HPD: variants seen among roughly 807,000 people sequenced by gnomAD.
HPD encodes 4-hydroxyphenylpyruvate dioxygenase, also known as 4-hydroxyphenylpyruvic acid oxidase.
Under a neutral mutation model 56.9 loss-of-function variants are expected in HPD, and 35 were observed. The ratio of observed to expected loss-of-function variants is 0.62; its 90% CI spans 0.47 to 0.82. The LOEUF (loss-of-function observed/expected upper bound fraction) is 0.82, where lower values mean the gene tolerates loss of function less well. Ranked by LOEUF, HPD falls within the 40% of genes least tolerant of loss-of-function variation. The pLI is 0.00. For synonymous variants in HPD, 186 were observed against 200.2 expected (o/e 0.93, Z 0.60); for missense variants, 442 against 506.8 (o/e 0.87, Z 1.23).
At chr12:121,883,221 T>C in the HPD span, among the ~76,000 whole-genome samples, 1 of 142,654 alleles carries the variant, frequency 7.0e-6, no homozygotes, top group Non-Finnish European at 1.5e-5. Context: ...TGTGTGTGTG[T>C]GTGTGTGTGT....
intron 11 of HPD, among the ~76,000 whole-genome samples, chr12:121,844,353 T>C (rs1392339018): frequency 6.6e-6 from 1 of 151,828 alleles, no homozygotes; most frequent in African/African-American, 2.4e-5. Flanking sequence ...CCTGAGCACT[T>C]TCTACGTATT....
chr12:121,852,585 T>G (rs2137624149), intron 7 of HPD, among the ~76,000 whole-genome samples: 1 of 150,800 alleles, frequency 6.6e-6, no homozygotes, highest in East Asian at 2.0e-4. Flanking sequence ...TGCCAGGCAC[T>G]GTTCTAAGTG....
At chr12:121,865,005 C>T (rs531625592), upstream of HPD, among the ~76,000 whole-genome samples, 11 of 152,014 alleles carry the variant, frequency 7.2e-5, no homozygotes, top group South Asian at 1.7e-3. Context: ...TATTGGCTCA[C>T]GCCTGTAATC....
rs1877541586 is a variant in HPD, at chr12:121,845,300, A to T, written c.832-1468T>A. Reference sequence around the variant, plus strand: ...TGGCTAATTTTTTGATTTTTTTGTAAAGATGAGGTCTTATGGCCGGGCGCA... The same window carrying T: ...TGGCTAATTTTTTGATTTTTTTGTATAGATGAGGTCTTATGGCCGGGCGCA... On this transcript the variant is annotated intron_variant, in intron 11 of 13. Coordinates refer to ENST00000289004, the MANE Select transcript of HPD (RefSeq NM_002150.3). Among the ~76,000 whole-genome samples, 7 of 149,018 alleles carry T rather than the reference A, an allele frequency of 4.7e-5. No homozygotes were observed. The South Asian group carries it at 1.5e-3, about 31-fold the overall frequency.
chr12:121,845,726 A>G (rs1364667147), intron 11 of HPD, among the ~76,000 whole-genome samples: 1 of 151,868 alleles, frequency 6.6e-6, no homozygotes, highest in Non-Finnish European at 1.5e-5. Context: ...TTAAATGTGC[A>G]ATGCCATTCA....
upstream of HPD, among the ~76,000 whole-genome samples, chr12:121,866,628 T>G (rs951820246): frequency 2.0e-5 from 3 of 152,132 alleles, no homozygotes; most frequent in South Asian, 2.1e-4. Flanking sequence ...TATTTCATAC[T>G]TCTCTGCACA....
chr12:121,868,564 A>C (rs1382018346), upstream of HPD, among the ~76,000 whole-genome samples: 1 of 145,930 alleles, frequency 6.9e-6, no homozygotes, highest in East Asian at 2.0e-4. Context: ...CTGTCCCCCA[A>C]GCTGGAGTGC....
chr12:121,860,842 G>T (rs1290160965), upstream of HPD, among the ~76,000 whole-genome samples: 1 of 151,974 alleles, frequency 6.6e-6, no homozygotes, highest in Admixed American at 6.6e-5. Context: ...GGAGTTAAAG[G>T]TTGCAGTGAG....
the HPD span, among the ~76,000 whole-genome samples, chr12:121,880,074 G>A: frequency 0.042 from 6,415 of 151,368 alleles, 443 homozygotes; most frequent in African/African-American, 0.15. Flanking sequence ...TTGAGCCTGG[G>A]AGGTTGAGGC....
chr12:121,854,924 C>A lies in HPD; in HGVS notation c.325-132G>T. The A allele has an allele frequency of 6.8e-6, 5 of 732,876 alleles. No homozygotes were observed. In the South Asian group the frequency reaches 7.2e-5, roughly 11 times the overall value. The allele number at this position is 732,876 out of a possible 1,614,324, so 45.4% of individuals were successfully genotyped here. On this transcript the variant is annotated intron_variant, in intron 6 of 13. Transcript: ENST00000289004. ...GTTTCTCCAGCCCCAGGTAGGAACC[C>A]CAGCCAGCTTCAGCCATTACCCCCA...
upstream of HPD, among the ~76,000 whole-genome samples, chr12:121,864,422 G>T (rs1391270463): frequency 6.6e-6 from 1 of 151,204 alleles, no homozygotes; most frequent in Admixed American, 6.6e-5. Flanking sequence ...CTATAGTGGT[G>T]CATGCCCGTA....
At chr12:121,857,230 C>T (rs1230587792) in intron 4 of HPD, 98 bp downstream of exon 4, 1 of 819,512 alleles carries the variant, frequency 1.2e-6, no homozygotes, top group East Asian at 2.5e-5. Flanking sequence ...CAGGTGCCCA[C>T]CATCATGCCC....
chr12:121,850,176 C>T (rs951406831), intron 7 of HPD, among the ~76,000 whole-genome samples: 1 of 152,082 alleles, frequency 6.6e-6, no homozygotes, highest in Non-Finnish European at 1.5e-5. Flanking sequence ...AATCCCAGCA[C>T]TTTGGGAGGC....
chr12:121,871,743 C>G, the HPD span, among the ~76,000 whole-genome samples: 3 of 152,026 alleles, frequency 2.0e-5, no homozygotes, highest in African/African-American at 7.2e-5. Flanking sequence ...GTTGGTGGCA[C>G]GGGACATAGG....
Position 121,839,579 on chromosome 12 carries a change from C to A in HPD, c.*149G>T. 1 of 670,498 alleles carries A rather than the reference C, an allele frequency of 1.5e-6. No individual in the cohort carries two copies. Among genetic ancestry groups the A allele is most frequent in the Non-Finnish European group, 2.7e-6 (1 of 373,460 alleles). 41.5% of individuals were successfully genotyped at this position (670,498 alleles called of 1,614,324 possible). A position where few individuals can be genotyped will look rare whatever the true frequency, so the allele number is the denominator to read the frequency against. On this transcript the variant is annotated 3_prime_UTR_variant, in exon 14 of 14. Transcript: ENST00000289004. The stretch of plus-strand genomic sequence containing the variant: ...GGGCTGGAGCAGAGGGCGGCCCCGC[C>A]GAGGGGCGTGGTCAGTGTGGGCGGA...
intron 11 of HPD, among the ~76,000 whole-genome samples, chr12:121,845,289 A>AT (rs1245181636): frequency 6.7e-6 from 1 of 148,614 alleles, no homozygotes; most frequent in Non-Finnish European, 1.5e-5. Flanking sequence ...TAATTTTTTG[A>AT]TTTTTTTGTA....
At chr12:121,848,938 TG>T in intron 9 of HPD, 60 bp downstream of exon 9, 1 of 1,198,834 alleles carries the variant, frequency 8.3e-7, no homozygotes, top group Non-Finnish European at 1.2e-6. Context: ...GACCAGGGAG[TG>T]GGCCAGTCCA....
At chr12:121,845,014 G>A (rs1592916593) in intron 11 of HPD, among the ~76,000 whole-genome samples, 1 of 150,764 alleles carries the variant, frequency 6.6e-6, no homozygotes. Context: ...AACCCAGGAG[G>A]TGGAGGTTGC....
At chr12:121,857,913 C>T in intron 2 of HPD, 94 bp from the exon 3 acceptor site, 1 of 909,764 alleles carries the variant, frequency 1.1e-6, no homozygotes, top group South Asian at 1.4e-5. Context: ...CTCCTTATTC[C>T]AGCCTCAACC....
Sources: allele counts gnomAD v4.1 joint callset (sites outside exome capture counted in the v4.1 genomes callset), GRCh38; gene constraint gnomAD v4.1.1; transcripts MANE v1.5; gene names NCBI Gene and HGNC (gene_info 2026-07-23, HGNC 2026-07-21).